Variants in TEX11 observed in about 807,000 individuals in gnomAD.
The protein encoded by TEX11 is testis expressed 11, also known as testis-expressed protein 11.
Under a neutral mutation model 84.4 loss-of-function variants are expected in TEX11, and 7 were observed. The observed-to-expected ratio is 0.08, with a 90% CI of 0.05 to 0.16. The LOEUF (loss-of-function observed/expected upper bound fraction) is 0.16, where lower values mean the gene tolerates loss of function less well. Ranked by LOEUF, TEX11 falls within the 10% of genes least tolerant of loss-of-function variation. TEX11 has a pLI of 1.00. For missense variants in TEX11, 551 were observed against 660.5 expected, an observed-to-expected ratio of 0.83 and a Z score of 1.82; for synonymous variants, 264 against 222.8, an observed-to-expected ratio of 1.18 and a Z score of -1.64.
At chrX:70,543,113 T>C (rs1329146912) in intron 28 of TEX11, among the ~76,000 whole-genome samples, 6 of 109,095 alleles carry the variant, frequency 5.5e-5, no homozygotes, top group East Asian at 5.7e-4. Context: ...ACCTGGGAGG[T>C]GGAGCTTGCA....
Position 70,639,116 on chromosome X carries a change from G to A in TEX11, c.1484-9381C>T, listed in dbSNP as rs370789137. On this transcript the variant is annotated intron_variant, in intron 17 of 29. Coordinates refer to ENST00000374333, the MANE Select transcript of TEX11 (RefSeq NM_031276.3). ...CCTCACTCGGCGGGGGGAAGCGCAAGGGGTCAGGGAGTTCCCTTTCCTAAT... is the reference window on the plus strand; with the variant it reads ...CCTCACTCGGCGGGGGGAAGCGCAAAGGGTCAGGGAGTTCCCTTTCCTAAT... Among the ~76,000 whole-genome samples, 3 of 112,051 alleles carry A rather than the reference G, an allele frequency of 2.7e-5. No individual in the cohort carries two copies. The East Asian group carries it at 8.6e-4, about 32-fold the overall frequency.
At chrX:70,858,931 G>A (rs1243592379) in intron 5 of TEX11, among the ~76,000 whole-genome samples, 5 of 110,199 alleles carry the variant, frequency 4.5e-5, no homozygotes, top group African/African-American at 1.3e-4. Flanking sequence ...CCAGCTACTC[G>A]GGAGGCTGAG....
At chrX:70,735,445 A>G (rs1388146257) in intron 11 of TEX11, among the ~76,000 whole-genome samples, 2 of 112,025 alleles carry the variant, frequency 1.8e-5, no homozygotes, top group Non-Finnish European at 3.8e-5. Flanking sequence ...GTAGGATATA[A>G]TATCAGTATT....
chrX:70,856,976 A>C (rs1441465171), intron 5 of TEX11, among the ~76,000 whole-genome samples: 2 of 111,532 alleles, frequency 1.8e-5, no homozygotes, highest in Non-Finnish European at 3.8e-5. Flanking sequence ...TGGGAGGACT[A>C]GATATTTGAT....
At position 70,873,208 on chromosome X, in the gene TEX11, A is replaced by C; in HGVS notation, c.244+15T>G. The C allele has an allele frequency of 9.9e-7, 1 of 1,014,017 alleles. No individual in the cohort carries two copies. Among genetic ancestry groups the C allele is most frequent in the Non-Finnish European group, 1.4e-6 (1 of 716,384 alleles). The allele number at this position is 1,014,017 out of a possible 1,213,427, so 83.6% of individuals were successfully genotyped here. The stretch of plus-strand genomic sequence containing the variant: ...GAACACGCCTCATAATACATGTCAC[A>C]ATATGTATACATACATCTAATTTTC... On this transcript the variant is annotated intron_variant, in intron 4 of 29. Coordinates refer to ENST00000374333, the MANE Select transcript of TEX11 (RefSeq NM_031276.3).
intron 16 of TEX11, among the ~76,000 whole-genome samples, chrX:70,659,107 A>C (rs2089901218): frequency 8.9e-6 from 1 of 112,402 alleles, no homozygotes; most frequent in African/African-American, 3.2e-5. Flanking sequence ...TACAAGTCTT[A>C]GAAGAAAACA....
intron 2 of TEX11, among the ~76,000 whole-genome samples, chrX:70,900,647 T>A (rs950298157): frequency 2.7e-5 from 3 of 109,170 alleles, no homozygotes; most frequent in African/African-American, 1.0e-4. Flanking sequence ...AAAATGAAAA[T>A]ATATATATAT....
intron 9 of TEX11, among the ~76,000 whole-genome samples, chrX:70,795,127 G>A (rs971504408): frequency 1.8e-4 from 20 of 108,640 alleles, no homozygotes; most frequent in African/African-American, 6.0e-4. Context: ...TCCCAGACCC[G>A]GCACCATTCA....
chrX:70,690,195 G>C, intron 13 of TEX11, among the ~76,000 whole-genome samples: 2 of 111,619 alleles, frequency 1.8e-5, no homozygotes, highest in Middle Eastern at 4.6e-3. Context: ...TTCTGGAATA[G>C]AAAAAGGATA....
chrX:70,689,557 T>C (rs2090217023), intron 13 of TEX11, among the ~76,000 whole-genome samples: 1 of 111,342 alleles, frequency 9.0e-6, no homozygotes, highest in African/African-American at 3.3e-5. Flanking sequence ...CCACACTGAT[T>C]GGGGTATGTC....
chrX:70,618,984 C>T (rs2089351196), intron 20 of TEX11, among the ~76,000 whole-genome samples: 1 of 111,280 alleles, frequency 9.0e-6, no homozygotes, highest in Non-Finnish European at 1.9e-5. Flanking sequence ...AGGAAGTGTC[C>T]CCACTAGATA....
At chrX:70,788,322 A>T (rs1242469386) in intron 9 of TEX11, among the ~76,000 whole-genome samples, 5 of 111,659 alleles carry the variant, frequency 4.5e-5, no homozygotes, top group African/African-American at 1.6e-4. Context: ...AGACGTGTCA[A>T]CCAATGGAAC....
At chrX:70,554,333 T>C (rs2088258232) in intron 26 of TEX11, among the ~76,000 whole-genome samples, 1 of 112,041 alleles carries the variant, frequency 8.9e-6, no homozygotes, top group Non-Finnish European at 1.9e-5. Flanking sequence ...TGTTGTGTAG[T>C]TACATAATTA....
intron 24 of TEX11, among the ~76,000 whole-genome samples, chrX:70,595,768 T>C (rs1435419246): frequency 1.8e-5 from 2 of 111,470 alleles, no homozygotes; most frequent in African/African-American, 3.3e-5. Flanking sequence ...TAAAGTGGCA[T>C]AAGTAAATTC....
chrX:70,619,974 G>A (rs1355000108), intron 20 of TEX11, among the ~76,000 whole-genome samples: 2 of 109,685 alleles, frequency 1.8e-5, no homozygotes, highest in East Asian at 2.8e-4. Flanking sequence ...CTGGGCACCT[G>A]CCACCACGCC....
chrX:70,521,818 C>A, the TEX11 span, among the ~76,000 whole-genome samples: 1 of 111,120 alleles, frequency 9.0e-6, no homozygotes, highest in Non-Finnish European at 1.9e-5. Flanking sequence ...AGAAAGGTAG[C>A]ATGAGGGAAA....
At chrX:70,586,884 T>C (rs1022822433) in intron 25 of TEX11, among the ~76,000 whole-genome samples, 2 of 111,896 alleles carry the variant, frequency 1.8e-5, no homozygotes, top group African/African-American at 6.5e-5. Flanking sequence ...TGGGAAAGTT[T>C]GGAACTTCCT....
chrX:70,671,908 T>C (rs190451850), intron 15 of TEX11, among the ~76,000 whole-genome samples: 857 of 57,226 alleles, frequency 0.015, 19 homozygotes, highest in African/African-American at 0.052. Context: ...TATATATATA[T>C]ATACACACAC....
chrX:70,634,709 GT>G (rs2089549352), intron 17 of TEX11, among the ~76,000 whole-genome samples: 1 of 95,298 alleles, frequency 1.0e-5, no homozygotes, highest in African/African-American at 3.6e-5. Context: ...GGATAGTCAT[GT>G]GCAAAAAAAA....
Sources: gnomAD v4.1 joint callset for allele counts (sites outside exome capture counted in the v4.1 genomes callset) on GRCh38, gnomAD v4.1.1 for gene constraint, MANE v1.5 for transcripts, NCBI Gene and HGNC (gene_info 2026-07-23, HGNC 2026-07-21) for gene names.